Variants in TRHDE observed in about 807,000 individuals in gnomAD.
TRHDE encodes thyrotropin-releasing hormone-degrading ectoenzyme.
A neutral mutation model predicts 125.7 loss-of-function variants in TRHDE; 72 were observed. The ratio of observed to expected loss-of-function variants is 0.57; its 90% CI spans 0.47 to 0.70. TRHDE has a LOEUF of 0.70. Ranked by LOEUF, TRHDE falls within the 30% of genes least tolerant of loss-of-function variation. The pLI, the probability that TRHDE is intolerant of heterozygous loss-of-function variation, is 0.00. For missense variants in TRHDE, 1,110 were observed against 1,327.1 expected, an observed-to-expected ratio of 0.84 and a Z score of 2.54; for synonymous variants, 509 against 509.1, an observed-to-expected ratio of 1.00 and a Z score of 0.00.
chr12:72,569,141 C>G (rs1251009871), intron 10 of TRHDE, among the ~76,000 whole-genome samples: 2 of 152,102 alleles, frequency 1.3e-5, no homozygotes, highest in Non-Finnish European at 2.9e-5. Flanking sequence ...CAAGCCATCT[C>G]TTAGGTGGGG....
At chr12:72,589,338 C>G (rs1465200549) in intron 12 of TRHDE, among the ~76,000 whole-genome samples, 1 of 151,910 alleles carries the variant, frequency 6.6e-6, no homozygotes, top group Non-Finnish European at 1.5e-5. Context: ...TTCTATTGCA[C>G]TTTTATTTTT....
At chr12:72,096,102 G>T (rs1298812985) in intron 1 of TRHDE, among the ~76,000 whole-genome samples, 1 of 147,536 alleles carries the variant, frequency 6.8e-6, no homozygotes, top group African/African-American at 2.5e-5. Flanking sequence ...CATGTGAGCT[G>T]ATTCCTTAAG....
Position 72,663,349 on chromosome 12 carries a change from TG to T in TRHDE, c.*159del, listed in dbSNP as rs1371468495. On this transcript the variant is annotated 3_prime_UTR_variant, in exon 19 of 19. Coordinates refer to ENST00000261180, the MANE Select transcript of TRHDE (RefSeq NM_013381.3). ...TTTTTTAGTTTTTATTTTTTGGTTT[TG>T]GGGGATATTTTTTATTTGTTTCATT... 9.2e-6 allele frequency: 5 copies of T among 545,190 alleles called. No individual in the cohort carries two copies. The highest frequency in any genetic ancestry group is 1.5e-5 in the Non-Finnish European group (5 of 328,416). 33.8% of individuals were successfully genotyped at this position (545,190 alleles called of 1,614,324 possible).
intron 2 of TRHDE, among the ~76,000 whole-genome samples, chr12:72,334,619 T>C (rs1447356150): frequency 2.6e-5 from 4 of 152,198 alleles, no homozygotes; most frequent in African/African-American, 9.7e-5. Flanking sequence ...GCAAATGCCC[T>C]TGTAGCTCTT....
intron 2 of TRHDE, among the ~76,000 whole-genome samples, chr12:72,165,935 A>G (rs1876737312): frequency 1.3e-5 from 2 of 152,098 alleles, no homozygotes; most frequent in African/African-American, 2.4e-5. Flanking sequence ...ATGGCCTCCC[A>G]AAGTGCTGGG....
rs573421327 is a variant in TRHDE at position 72,663,524 on chromosome 12, A to G, written c.*329A>G. 5.7e-6 allele frequency: 1 copy of G among 176,036 alleles called. No individual in the cohort carries two copies. Among genetic ancestry groups the G allele is most frequent in the East Asian group, 1.6e-4 (1 of 6,362 alleles). 10.9% of individuals were successfully genotyped at this position (176,036 alleles called of 1,614,324 possible). A position where few individuals can be genotyped will look rare whatever the true frequency, so the allele number is the denominator to read the frequency against. On this transcript the variant is annotated 3_prime_UTR_variant, in exon 19 of 19. Coordinates refer to ENST00000261180, the MANE Select transcript of TRHDE (RefSeq NM_013381.3). ...TTGATGTTACAGTCAATTTGGAAAA[A>G]CATATTCAGAATATCTGTGCATGGA... is the stretch of plus-strand genomic sequence containing the variant.
chr12:72,589,556 A>C (rs551698038), intron 12 of TRHDE, among the ~76,000 whole-genome samples: 2 of 152,232 alleles, frequency 1.3e-5, no homozygotes, highest in African/African-American at 4.8e-5. Context: ...GTGAGCCTGA[A>C]ATTCTCTGTA....
intron 3 of TRHDE, among the ~76,000 whole-genome samples, chr12:72,423,137 G>A (rs913775312): frequency 2.6e-5 from 4 of 151,730 alleles, no homozygotes; most frequent in East Asian, 1.9e-4. Context: ...TTATACTTTC[G>A]TGATCACAAT....
At chr12:72,543,836 C>T (rs1286139311) in intron 7 of TRHDE, among the ~76,000 whole-genome samples, 4 of 111,790 alleles carry the variant, frequency 3.6e-5, no homozygotes, top group East Asian at 2.7e-4. Context: ...TTATTATGAA[C>T]GTTTTTGTTC....
At chr12:72,526,200 G>T (rs1490238439) in intron 6 of TRHDE, among the ~76,000 whole-genome samples, 1 of 152,034 alleles carries the variant, frequency 6.6e-6, no homozygotes. Context: ...TGTGTTTGCT[G>T]CATGATAGTT....
chr12:72,241,965 T>C (rs762518477), intron 2 of TRHDE, among the ~76,000 whole-genome samples: 3 of 152,216 alleles, frequency 2.0e-5, no homozygotes, highest in Non-Finnish European at 4.4e-5. Flanking sequence ...TCCACTGTGA[T>C]GAAGTTCAAG....
intron 2 of TRHDE, among the ~76,000 whole-genome samples, chr12:72,136,155 A>AC (rs1209589249): frequency 6.6e-6 from 1 of 152,220 alleles, no homozygotes. Flanking sequence ...TCAGTGCAGA[A>AC]TATAAGCAAC....
At chr12:72,487,523 A>G (rs1297786930) in intron 5 of TRHDE, among the ~76,000 whole-genome samples, 1 of 152,192 alleles carries the variant, frequency 6.6e-6, no homozygotes, top group Non-Finnish European at 1.5e-5. Flanking sequence ...CCTTTTAGAC[A>G]AGAATACTAT....
Position 72,593,024 on chromosome 12 carries a change from T to A in TRHDE, c.2321+17482T>A, listed in dbSNP as rs530246721. ...CACCGCGCCCCGCTGGTGAAATTTT[T>A]AAAATCCCTTTCATATGTGAGTGCT... is the stretch of plus-strand genomic sequence containing the variant. On this transcript the variant is annotated intron_variant, in intron 12 of 18. Transcript: ENST00000261180. 2.1e-3 allele frequency among the ~76,000 whole-genome samples: 319 copies of A among 152,304 alleles called. 2 individuals are homozygous for A. Among genetic ancestry groups the A allele is most frequent in the African/African-American group, 7.2e-3 (298 of 41,578 alleles).
intron 2 of TRHDE, among the ~76,000 whole-genome samples, chr12:72,142,678 C>A (rs955545807): frequency 6.6e-6 from 1 of 152,112 alleles, no homozygotes; most frequent in South Asian, 2.1e-4. Flanking sequence ...CCCATATAAA[C>A]CCCCAAACCC....
intron 2 of TRHDE, among the ~76,000 whole-genome samples, chr12:72,240,431 C>T (rs1468665074): frequency 6.6e-6 from 1 of 151,176 alleles, no homozygotes; most frequent in Non-Finnish European, 1.5e-5. Context: ...ACCATTTTTA[C>T]TTACATAAGG....
chr12:72,361,527 C>A lies in TRHDE; in HGVS notation c.1189-16468C>A, dbSNP rs186427280. Among the ~76,000 whole-genome samples the A allele has an allele frequency of 3.8e-3, 571 of 150,926 alleles. 1 individual carries two copies. The highest frequency in any genetic ancestry group is 0.013 in the African/African-American group (532 of 41,190). On this transcript the variant is annotated intron_variant, in intron 2 of 18. Transcript: ENST00000261180. ...ATGTTAGATTATTCTTTGTACTTTT[C>A]TATATGAGTAGGTGTTTTATAATTT...
chr12:72,486,837 A>T (rs867429628), intron 5 of TRHDE, among the ~76,000 whole-genome samples: 2 of 152,130 alleles, frequency 1.3e-5, no homozygotes, highest in Non-Finnish European at 1.5e-5. Flanking sequence ...CAAATTGCCT[A>T]AAAAGGAATT....
intron 6 of TRHDE, among the ~76,000 whole-genome samples, chr12:72,505,487 A>T (rs988430952): frequency 6.6e-6 from 1 of 152,206 alleles, no homozygotes; most frequent in Non-Finnish European, 1.5e-5. Context: ...AAATTTACAT[A>T]TGATGCCAAG....
Sources: allele counts gnomAD v4.1 joint callset (sites outside exome capture counted in the v4.1 genomes callset), GRCh38; gene constraint gnomAD v4.1.1; transcripts MANE v1.5; gene names NCBI Gene and HGNC (gene_info 2026-07-23, HGNC 2026-07-21).